The following ACOXL variants were observed in gnomAD, a reference collection of about 807,000 sequenced individuals.
ACOXL encodes the protein acyl-CoA oxidase like, also known as acyl-coenzyme A oxidase-like protein.
In ACOXL, 70 loss-of-function variants were observed where a neutral mutation model predicts 71.9. The observed-to-expected ratio is 0.97, with a 90% confidence interval of 0.80 to 1.19. The LOEUF (loss-of-function observed/expected upper bound fraction) is 1.19, where lower values mean the gene tolerates loss of function less well. ACOXL is among the 50% of genes most tolerant of loss of function. ACOXL has a pLI of 0.00. For missense variants in ACOXL, 703 were observed against 736.3 expected (o/e 0.95, Z 0.52); for synonymous variants, 253 against 281.6 (o/e 0.90, Z 1.02).
At chr2:110,968,852 C>T in intron 12 of ACOXL, 1 of 336,890 alleles carries the variant, frequency 3.0e-6, no homozygotes, top group Admixed American at 4.6e-5. Flanking sequence ...ACACTCTATT[C>T]AACAGGAACA....
intron 12 of ACOXL, among the ~76,000 whole-genome samples, chr2:110,974,349 G>A (rs1048720031): frequency 2.6e-5 from 4 of 152,212 alleles, no homozygotes; most frequent in Admixed American, 1.3e-4. Context: ...GGGATGTGCT[G>A]TGGCATTTCT....
intron 16 of ACOXL, among the ~76,000 whole-genome samples, chr2:111,074,198 G>T (rs2067485897): frequency 6.7e-6 from 1 of 149,364 alleles, no homozygotes. Context: ...CAAGCATGTT[G>T]TCTGTGAATA....
rs549846319 is a variant in ACOXL at position 110,953,402 on chromosome 2, T to A, written c.1059+19760T>A. On this transcript the variant is annotated intron_variant, in intron 12 of 17. Coordinates refer to ENST00000439055, the MANE Select transcript of ACOXL (RefSeq NM_001142807.4). ...CCCGTGTCATAAAGATCTTTTGAAA[T>A]TTTTTTATGGCCTGCTCTGTGGTCT... is the stretch of plus-strand genomic sequence containing the variant. 1.7e-3 allele frequency among the ~76,000 whole-genome samples: 257 copies of A among 152,192 alleles called. 1 individual carries two copies. Among genetic ancestry groups the A allele is most frequent in the Non-Finnish European group, 2.8e-3 (188 of 67,990 alleles).
At chr2:111,066,005 C>T (rs2067053897) in intron 16 of ACOXL, among the ~76,000 whole-genome samples, 2 of 152,056 alleles carry the variant, frequency 1.3e-5, no homozygotes, top group Non-Finnish European at 1.5e-5. Flanking sequence ...TACCATACAG[C>T]CCAGAAATTA....
At chr2:110,815,523 A>C (rs919664644) in intron 9 of ACOXL, among the ~76,000 whole-genome samples, 3 of 152,238 alleles carry the variant, frequency 2.0e-5, no homozygotes, top group African/African-American at 7.2e-5. Flanking sequence ...CAGGGACCTT[A>C]GAAGGAGGGG....
chr2:110,781,849 TGAG>T (rs1297372124), intron 2 of ACOXL, among the ~76,000 whole-genome samples: 1 of 152,032 alleles, frequency 6.6e-6, no homozygotes, highest in East Asian at 1.9e-4. Context: ...CGGTTTTAGT[TGAG>T]GAGTATATAT....
chr2:110,898,790 A>G (rs998209169), intron 10 of ACOXL, among the ~76,000 whole-genome samples: 1 of 152,212 alleles, frequency 6.6e-6, no homozygotes, highest in African/African-American at 2.4e-5. Flanking sequence ...GAAAAGGAGT[A>G]ATAAAACTGT....
rs1373008208 is a variant in ACOXL, at chr2:110,752,933, GGAAGA to G, written c.-22-15433_-22-15429del. 3.3e-5 allele frequency among the ~76,000 whole-genome samples: 5 copies of G among 152,228 alleles called. No homozygotes were observed. The East Asian group carries it at 9.6e-4, about 29-fold the overall frequency. On this transcript the variant is annotated intron_variant, in intron 1 of 17. Coordinates refer to ENST00000439055, the MANE Select transcript of ACOXL (RefSeq NM_001142807.4). ...TGTTGGCCCTGGCTTGACTGGGGCT[GGAAGA>G]GCCACTTCTACAATGGCTCATTGAT...
intron 9 of ACOXL, among the ~76,000 whole-genome samples, chr2:110,813,577 G>C (rs186946791): frequency 6.2e-4 from 95 of 152,308 alleles, no homozygotes; most frequent in Non-Finnish European, 7.3e-5. Context: ...TGGAAGGTCA[G>C]ATATGGATGA....
At chr2:111,039,255 C>T (rs981252223) in intron 15 of ACOXL, among the ~76,000 whole-genome samples, 36 of 152,152 alleles carry the variant, frequency 2.4e-4, no homozygotes, top group African/African-American at 8.7e-4. Flanking sequence ...TATCAGAGAT[C>T]ACAAGTGCCA....
At chr2:110,840,426 G>A (rs1395716144) in intron 9 of ACOXL, among the ~76,000 whole-genome samples, 3 of 152,062 alleles carry the variant, frequency 2.0e-5, no homozygotes, top group African/African-American at 7.2e-5. Flanking sequence ...CACACAATAG[G>A]CACACGCATA....
At chr2:111,088,081 A>G (rs1239118275) in intron 16 of ACOXL, among the ~76,000 whole-genome samples, 1 of 152,230 alleles carries the variant, frequency 6.6e-6, no homozygotes, top group Non-Finnish European at 1.5e-5. Context: ...GCAAATAAAA[A>G]CCACAATAAG....
intron 16 of ACOXL, among the ~76,000 whole-genome samples, chr2:111,079,247 T>C (rs1193713810): frequency 6.6e-6 from 1 of 152,224 alleles, no homozygotes; most frequent in African/African-American, 2.4e-5. Context: ...ATTTCTCATC[T>C]ATCCCCCCAG....
At chr2:110,874,228 G>A (rs142993652) in intron 10 of ACOXL, among the ~76,000 whole-genome samples, 44 of 152,328 alleles carry the variant, frequency 2.9e-4, no homozygotes, top group Admixed American at 8.5e-4. Flanking sequence ...GTGGTGAGGG[G>A]CTGCCCCGCT....
At chr2:111,005,094 T>C (rs1401587316) in intron 14 of ACOXL, among the ~76,000 whole-genome samples, 1 of 152,198 alleles carries the variant, frequency 6.6e-6, no homozygotes, top group East Asian at 1.9e-4. Context: ...CAGATGGACT[T>C]AAAATAGTTC....
intron 2 of ACOXL, among the ~76,000 whole-genome samples, chr2:110,774,278 GGAGGAGTCA>G (rs1257648539): frequency 6.6e-6 from 1 of 152,070 alleles, no homozygotes; most frequent in African/African-American, 2.4e-5. Context: ...TTTTTGTCTG[GGAGGAGTCA>G]GACTATAAAC....
intron 10 of ACOXL, among the ~76,000 whole-genome samples, chr2:110,863,738 C>T (rs1322734724): frequency 6.6e-6 from 1 of 152,046 alleles, no homozygotes; most frequent in Non-Finnish European, 1.5e-5. Context: ...CATTCACAGC[C>T]CATGTACTTT....
intron 10 of ACOXL, among the ~76,000 whole-genome samples, chr2:110,904,962 C>T (rs1168143438): frequency 6.6e-6 from 1 of 152,052 alleles, no homozygotes; most frequent in Admixed American, 6.6e-5. Flanking sequence ...GAAAAATGCA[C>T]TCAAAGGGAG....
At chr2:111,054,184 G>A (rs1412473743) in intron 16 of ACOXL, among the ~76,000 whole-genome samples, 1 of 152,218 alleles carries the variant, frequency 6.6e-6, no homozygotes, top group Non-Finnish European at 1.5e-5. Flanking sequence ...ATTTATGGCA[G>A]CACACAGTAG....
Sources: gnomAD v4.1 joint callset for allele counts (sites outside exome capture counted in the v4.1 genomes callset) on GRCh38, gnomAD v4.1.1 for gene constraint, MANE v1.5 for transcripts, NCBI Gene and HGNC (gene_info 2026-07-23, HGNC 2026-07-21) for gene names.